CCSER1: variants seen among roughly 807,000 people sequenced by gnomAD.
CCSER1 encodes coiled-coil serine rich protein 1.
Under a neutral mutation model 82.0 loss-of-function variants are expected in CCSER1, and 41 were observed. The ratio of observed to expected loss-of-function variants is 0.50; its 90% CI spans 0.39 to 0.65. The LOEUF (loss-of-function observed/expected upper bound fraction) is 0.65, where lower values mean the gene tolerates loss of function less well. Among genes scored for constraint, CCSER1 ranks in the 30% least tolerant of loss-of-function variants. CCSER1 has a pLI of 0.00. For missense variants in CCSER1, 1,119 were observed against 1,064.2 expected (o/e 1.05, Z -0.72); for synonymous variants, 414 against 383.9 (o/e 1.08, Z -0.92).
intron 10 of CCSER1, among the ~76,000 whole-genome samples, chr4:91,140,932 A>G (rs1269632019): frequency 1.3e-5 from 2 of 152,086 alleles, no homozygotes; most frequent in African/African-American, 4.8e-5. Flanking sequence ...AGAGCATCCA[A>G]TAGGTAGTTT....
At chr4:90,980,301 G>A (rs1735993763) in intron 9 of CCSER1, among the ~76,000 whole-genome samples, 1 of 151,778 alleles carries the variant, frequency 6.6e-6, no homozygotes, top group Admixed American at 6.6e-5. Flanking sequence ...TAGCTCTGAG[G>A]CAAGAGAGTG....
intron 5 of CCSER1, among the ~76,000 whole-genome samples, chr4:90,558,261 T>A (rs1450227090): frequency 2.6e-5 from 4 of 152,166 alleles, no homozygotes; most frequent in African/African-American, 9.7e-5. Context: ...TTTGGAAATA[T>A]TCTTTATAAA....
intron 1 of CCSER1, among the ~76,000 whole-genome samples, chr4:90,277,226 G>T (rs1578909758): frequency 1.3e-5 from 2 of 152,048 alleles, no homozygotes; most frequent in African/African-American, 4.8e-5. Context: ...AGTTAAAATG[G>T]TCATACTGCC....
rs911571399 is a variant in CCSER1 at position 90,184,722 on chromosome 4, T to G, written c.-42+56891T>G. 5.9e-5 allele frequency among the ~76,000 whole-genome samples: 9 copies of G among 152,054 alleles called. No individual in the cohort carries two copies. The South Asian group carries it at 6.2e-4, about 10-fold the overall frequency. ...GGTGTGAAACACTTGGCATAGTTTC[T>G]GGACTCCTGGGGTGAGAAGTGTGAA... On this transcript the variant is annotated intron_variant, in intron 1 of 10. Coordinates refer to ENST00000509176, the MANE Select transcript of CCSER1 (RefSeq NM_001145065.2).
At chr4:90,241,408 A>G (rs1746806545) in intron 1 of CCSER1, among the ~76,000 whole-genome samples, 2 of 152,196 alleles carry the variant, frequency 1.3e-5, no homozygotes, top group Admixed American at 6.5e-5. Flanking sequence ...AATAATTCCT[A>G]GATAATGGTG....
chr4:91,412,116 G>C (rs534745657), intron 10 of CCSER1, among the ~76,000 whole-genome samples: 2 of 152,262 alleles, frequency 1.3e-5, no homozygotes, highest in South Asian at 4.1e-4. Flanking sequence ...CCTAAGCCCT[G>C]GAAGAATTGT....
intron 1 of CCSER1, among the ~76,000 whole-genome samples, chr4:90,195,059 A>G (rs905783225): frequency 2.6e-5 from 4 of 152,132 alleles, no homozygotes; most frequent in Admixed American, 6.6e-5. Flanking sequence ...GAATTTATGG[A>G]CATTCCTGTC....
chr4:90,837,589 A>G (rs917166961), intron 8 of CCSER1, among the ~76,000 whole-genome samples: 5 of 152,188 alleles, frequency 3.3e-5, no homozygotes, highest in African/African-American at 1.2e-4. Flanking sequence ...AATAATAAAT[A>G]GTAGGAAAGT....
At chr4:90,553,399 G>A (rs2153642668) in intron 5 of CCSER1, among the ~76,000 whole-genome samples, 1 of 152,276 alleles carries the variant, frequency 6.6e-6, no homozygotes, top group African/African-American at 2.4e-5. Context: ...GAAACTCATA[G>A]TAACTTTAAG....
At chr4:90,705,414 G>T (rs954764281) in intron 6 of CCSER1, among the ~76,000 whole-genome samples, 1 of 152,200 alleles carries the variant, frequency 6.6e-6, no homozygotes, top group Admixed American at 6.5e-5. Flanking sequence ...AGGCTATTCG[G>T]GGGTCAGGGA....
chr4:91,006,051 C>T (rs532951069), intron 9 of CCSER1, among the ~76,000 whole-genome samples: 2 of 152,138 alleles, frequency 1.3e-5, no homozygotes, highest in Non-Finnish European at 2.9e-5. Flanking sequence ...GCGTTGACTA[C>T]TTGAGATCTT....
At chr4:90,751,376 C>T (rs547713821) in intron 7 of CCSER1, among the ~76,000 whole-genome samples, 1 of 152,204 alleles carries the variant, frequency 6.6e-6, no homozygotes, top group East Asian at 1.9e-4. Flanking sequence ...TAACAGCTGC[C>T]TCTAAAGTAT....
intron 10 of CCSER1, among the ~76,000 whole-genome samples, chr4:91,095,340 G>A (rs1724397505): frequency 6.6e-6 from 1 of 152,162 alleles, no homozygotes; most frequent in South Asian, 2.1e-4. Context: ...CTGCACATGT[G>A]AGTGATTGGA....
chr4:90,817,490 C>G (rs940065628), intron 8 of CCSER1, among the ~76,000 whole-genome samples: 2 of 151,808 alleles, frequency 1.3e-5, no homozygotes, highest in African/African-American at 4.8e-5. Flanking sequence ...TAAAAAAGTC[C>G]TATATATTTC....
intron 10 of CCSER1, among the ~76,000 whole-genome samples, chr4:91,158,061 A>T (rs1270448879): frequency 6.6e-6 from 1 of 152,012 alleles, no homozygotes; most frequent in Non-Finnish European, 1.5e-5. Flanking sequence ...TAATGAGCCT[A>T]CTGTCTTTGT....
At chr4:90,891,035 C>A (rs1434074554) in intron 8 of CCSER1, among the ~76,000 whole-genome samples, 2 of 152,008 alleles carry the variant, frequency 1.3e-5, no homozygotes, top group Admixed American at 6.6e-5. Context: ...GATGTAGATT[C>A]TTGGCATCTG....
intron 1 of CCSER1, among the ~76,000 whole-genome samples, chr4:90,173,856 A>G (rs922744315): frequency 2.0e-5 from 3 of 151,982 alleles, no homozygotes; most frequent in Admixed American, 1.3e-4. Flanking sequence ...TTGGACTTGT[A>G]TAATTATAGC....
intron 10 of CCSER1, among the ~76,000 whole-genome samples, chr4:91,402,869 G>A (rs996230211): frequency 1.4e-4 from 21 of 152,250 alleles, no homozygotes; most frequent in African/African-American, 5.1e-4. Context: ...GATTGTCTTG[G>A]CAATGAGTGC....
chr4:90,516,817 T>C (rs1772349911), intron 5 of CCSER1, among the ~76,000 whole-genome samples: 1 of 152,108 alleles, frequency 6.6e-6, no homozygotes, highest in African/African-American at 2.4e-5. Flanking sequence ...TTAGGCAAAA[T>C]GGGGAATCTT....
Sources: gnomAD v4.1 joint callset for allele counts (sites outside exome capture counted in the v4.1 genomes callset) on GRCh38, gnomAD v4.1.1 for gene constraint, MANE v1.5 for transcripts, NCBI Gene and HGNC (gene_info 2026-07-23, HGNC 2026-07-21) for gene names.